Variants in PARVA observed in about 807,000 individuals in gnomAD.
PARVA encodes the protein alpha-parvin.
PARVA carries 25 observed loss-of-function variants against 52.6 expected under a neutral mutation model. The observed-to-expected ratio is 0.48, with a 90% CI of 0.35 to 0.66. PARVA has a LOEUF of 0.66. PARVA is among the 30% of genes least tolerant of loss of function. The pLI is 0.01. For missense variants in PARVA, 373 were observed against 450.9 expected (o/e 0.83, Z 1.56); for synonymous variants, 185 against 179.1 (o/e 1.03, Z -0.26).
intron 1 of PARVA, among the ~76,000 whole-genome samples, chr11:12,384,329 C>T (rs958800905): frequency 4.3e-4 from 65 of 152,202 alleles, no homozygotes; most frequent in African/African-American, 1.5e-3. Context: ...CTTTCTGATC[C>T]ATTATTTCCA....
chr11:12,503,311 G>A (rs186232405), intron 5 of PARVA, among the ~76,000 whole-genome samples: 12 of 152,280 alleles, frequency 7.9e-5, no homozygotes, highest in South Asian at 2.1e-4. Flanking sequence ...TATTAAGGGC[G>A]TGCTTTATGT....
At position 12,394,765 on chromosome 11, in the gene PARVA, C is replaced by G. The variant is rs1170079436; in HGVS notation, c.136+16982C>G. ...ACCCAGATCCGAGCACACTCAAGTC[C>G]TGCAGTCAGCTCTACGGAATCCACC... On this transcript the variant is annotated intron_variant, in intron 1 of 12. Coordinates refer to ENST00000334956, the MANE Select transcript of PARVA (RefSeq NM_018222.5). 2.6e-5 allele frequency among the ~76,000 whole-genome samples: 4 copies of G among 152,176 alleles called. No homozygotes were observed. In the East Asian group the frequency reaches 7.7e-4, roughly 29 times the overall value.
chr11:12,403,151 T>A (rs916256761), intron 1 of PARVA, among the ~76,000 whole-genome samples: 2 of 152,224 alleles, frequency 1.3e-5, no homozygotes, highest in Non-Finnish European at 2.9e-5. Context: ...TCTCCCTTTT[T>A]CCCAAGGCTT....
chr11:12,395,761 C>T (rs1206396217), intron 1 of PARVA, among the ~76,000 whole-genome samples: 2 of 152,190 alleles, frequency 1.3e-5, no homozygotes, highest in Non-Finnish European at 1.5e-5. Context: ...AATCAACAGC[C>T]AACACTTGGC....
intron 1 of PARVA, among the ~76,000 whole-genome samples, chr11:12,451,668 G>T (rs1482730009): frequency 2.6e-5 from 4 of 152,108 alleles, no homozygotes; most frequent in African/African-American, 7.2e-5. Context: ...GCTATTTCTA[G>T]ATTTCTCTTT....
intron 1 of PARVA, among the ~76,000 whole-genome samples, chr11:12,445,128 G>A (rs955299192): frequency 6.6e-6 from 1 of 152,164 alleles, no homozygotes; most frequent in African/African-American, 2.4e-5. Flanking sequence ...GGCAGCCTGG[G>A]TACTGGGTAT....
intron 1 of PARVA, among the ~76,000 whole-genome samples, chr11:12,396,437 C>A (rs889828810): frequency 6.6e-6 from 1 of 152,160 alleles, no homozygotes; most frequent in Non-Finnish European, 1.5e-5. Flanking sequence ...TGTCTGGGCC[C>A]TGGAAGCAAA....
At chr11:12,405,341 A>T (rs1165190192) in intron 1 of PARVA, among the ~76,000 whole-genome samples, 1 of 152,238 alleles carries the variant, frequency 6.6e-6, no homozygotes, top group African/African-American at 2.4e-5. Flanking sequence ...TTACATTGTA[A>T]TTATGCTTTC....
intron 7 of PARVA, among the ~76,000 whole-genome samples, chr11:12,509,208 G>A (rs1475921133): frequency 2.6e-5 from 4 of 151,702 alleles, no homozygotes; most frequent in African/African-American, 9.7e-5. Context: ...TTGTGATCCC[G>A]AGAACTGCAC....
chr11:12,447,469 A>C (rs891017094), intron 1 of PARVA, among the ~76,000 whole-genome samples: 13 of 152,168 alleles, frequency 8.5e-5, no homozygotes, highest in Admixed American at 1.3e-4. Context: ...CGAGCCCGGT[A>C]GATATGGTCC....
At chr11:12,459,861 T>C (rs1329952150) in intron 1 of PARVA, among the ~76,000 whole-genome samples, 1 of 152,236 alleles carries the variant, frequency 6.6e-6, no homozygotes, top group Non-Finnish European at 1.5e-5. Flanking sequence ...TTAAAGAGCA[T>C]GTTTTTCTTT....
rs1487661042 is a variant in PARVA, at chr11:12,531,035, T to A, written c.*3110T>A. On this transcript the variant is annotated 3_prime_UTR_variant, in exon 13 of 13. Transcript: ENST00000334956. ...AACCTTATGGTGAATTGTATGCAGA[T>A]TGATGAAGGTTTCATTTTTATATAT... Among the ~76,000 whole-genome samples, 2 of 152,216 alleles carry A rather than the reference T, an allele frequency of 1.3e-5. No homozygotes were observed. The highest frequency in any genetic ancestry group is 1.3e-4 in the Admixed American group (2 of 15,286).
At chr11:12,505,184 CT>C (rs1403916161) in intron 6 of PARVA, among the ~76,000 whole-genome samples, 1 of 152,192 alleles carries the variant, frequency 6.6e-6, no homozygotes, top group Non-Finnish European at 1.5e-5. Flanking sequence ...AAAGGTCATC[CT>C]TTTGTTTGCT....
chr11:12,453,506 A>C (rs1940652303), intron 1 of PARVA, among the ~76,000 whole-genome samples: 2 of 152,164 alleles, frequency 1.3e-5, no homozygotes, highest in African/African-American at 4.8e-5. Context: ...TGACGGTAAT[A>C]GGAAAAGTAC....
Position 12,473,996 on chromosome 11 carries a change from CAGG to C in PARVA, c.297+16_297+18del. 6.4e-7 allele frequency: 1 copy of C among 1,562,936 alleles called. No individual in the cohort carries two copies. Among genetic ancestry groups the C allele is most frequent in the Non-Finnish European group, 8.7e-7 (1 of 1,153,226 alleles). On this transcript the variant is annotated intron_variant, in intron 3 of 12. Transcript: ENST00000334956. ...AGAACTGATGAAGGTAAGAAGAAAT[CAGG>C]AGCGGCTTCAGGTGCCTCACTGACC... is the stretch of plus-strand genomic sequence containing the variant.
chr11:12,481,954 G>T (rs1941092810), intron 4 of PARVA, among the ~76,000 whole-genome samples: 1 of 151,964 alleles, frequency 6.6e-6, no homozygotes, highest in Non-Finnish European at 1.5e-5. Context: ...TGGATCATCT[G>T]AGGTCAGGAG....
chr11:12,474,741 C>G (rs148237155), intron 3 of PARVA, among the ~76,000 whole-genome samples: 33 of 152,082 alleles, frequency 2.2e-4, no homozygotes, highest in African/African-American at 7.7e-4. Flanking sequence ...ACCATCTCTA[C>G]TAAAAATACA....
chr11:12,430,299 T>G (rs1940299134), intron 1 of PARVA, among the ~76,000 whole-genome samples: 1 of 152,198 alleles, frequency 6.6e-6, no homozygotes, highest in African/African-American at 2.4e-5. Flanking sequence ...TCAGTATAAT[T>G]TACTTAATTG....
At chr11:12,516,108 C>T (rs1033868905) in intron 10 of PARVA, among the ~76,000 whole-genome samples, 3 of 152,152 alleles carry the variant, frequency 2.0e-5, no homozygotes, top group Admixed American at 1.3e-4. Context: ...CAAAGTGCTG[C>T]GATTACAGGC....
Sources: gnomAD v4.1 joint callset for allele counts (sites outside exome capture counted in the v4.1 genomes callset) on GRCh38, gnomAD v4.1.1 for gene constraint, MANE v1.5 for transcripts, NCBI Gene and HGNC (gene_info 2026-07-23, HGNC 2026-07-21) for gene names.